The following C5orf52 variants were observed in gnomAD, a reference collection of about 807,000 sequenced individuals.
C5orf52 encodes the protein chromosome 5 open reading frame 52, also known as uncharacterized protein C5orf52.
A neutral mutation model predicts 16.8 loss-of-function variants in C5orf52; 15 were observed. That is an observed-to-expected ratio of 0.89 (90% confidence interval 0.60 to 1.38). The LOEUF (loss-of-function observed/expected upper bound fraction) is 1.38, where lower values mean the gene tolerates loss of function less well. Among genes scored for constraint, C5orf52 ranks in the 40% most tolerant of loss-of-function variants. The pLI, the probability that C5orf52 is intolerant of heterozygous loss-of-function variation, is 0.00. For synonymous variants in C5orf52, 83 were observed against 87.2 expected, an observed-to-expected ratio of 0.95 and a Z score of 0.27; for missense variants, 206 against 213.1, an observed-to-expected ratio of 0.97 and a Z score of 0.21.
At chr5:157,672,813 G>T (rs1759821990) in intron 1 of C5orf52, among the ~76,000 whole-genome samples, 1 of 151,968 alleles carries the variant, frequency 6.6e-6, no homozygotes, top group Non-Finnish European at 1.5e-5. Context: ...GCACCACCAT[G>T]CTCGGCTAAT....
chr5:157,679,246 T>G (rs74321142), intron 2 of C5orf52, among the ~76,000 whole-genome samples: 1 of 152,076 alleles, frequency 6.6e-6, no homozygotes, highest in Non-Finnish European at 1.5e-5. Flanking sequence ...TGTAGCTAGC[T>G]CATTGGAGTA....
chr5:157,673,697 G>C (rs1759839965), intron 1 of C5orf52, among the ~76,000 whole-genome samples: 1 of 151,922 alleles, frequency 6.6e-6, no homozygotes, highest in African/African-American at 2.4e-5. Context: ...GCCCAGGCTG[G>C]AGTACAATGG....
intron 1 of C5orf52, among the ~76,000 whole-genome samples, chr5:157,673,703 A>G (rs1226340325): frequency 3.1e-4 from 47 of 151,768 alleles, no homozygotes; most frequent in Admixed American, 3.1e-3. Flanking sequence ...GCTGGAGTAC[A>G]ATGGTAAAGT....
At position 157,675,186 on chromosome 5, in the gene C5orf52, A is replaced by G; in HGVS notation, c.307A>G (p.Ile103Val). ...IIHDNRITQR[I>V]YEMEVSALEK... The stretch of plus-strand genomic sequence containing the variant: ...TCATGATAACCGCATCACACAACGA[A>G]TCTATGAGATGGAGGTAAAGTAGCC... The change falls in exon 2 of 3, where the codon ATC (isoleucine) becomes GTC (valine). Residue 103 changes from isoleucine to valine, a missense_variant. Coordinates refer to ENST00000409999, the MANE Select transcript of C5orf52 (RefSeq NM_001145132.2). 1 of 1,544,702 alleles carries G rather than the reference A, an allele frequency of 6.5e-7. No homozygotes were observed. Among genetic ancestry groups the G allele is most frequent in the Non-Finnish European group, 8.8e-7 (1 of 1,140,914 alleles).
At chr5:157,676,531 G>A (rs1289151765) in intron 2 of C5orf52, among the ~76,000 whole-genome samples, 4 of 152,182 alleles carry the variant, frequency 2.6e-5, no homozygotes, top group African/African-American at 4.8e-5. Flanking sequence ...GTAGGGACCC[G>A]GGCATTTCTC....
intron 1 of C5orf52, among the ~76,000 whole-genome samples, chr5:157,674,795 T>G (rs951111757): frequency 2.0e-5 from 3 of 152,124 alleles, no homozygotes; most frequent in African/African-American, 7.2e-5. Context: ...AAAGGGTGAC[T>G]GCTTCTGAGG....
chr5:157,676,828 C>T (rs1226692767), intron 2 of C5orf52, among the ~76,000 whole-genome samples: 1 of 151,388 alleles, frequency 6.6e-6, no homozygotes, highest in Admixed American at 6.6e-5. Context: ...TCCATTCTCT[C>T]TCATCATCTT....
chr5:157,676,937 CA>C (rs1486853287), intron 2 of C5orf52, among the ~76,000 whole-genome samples: 1 of 148,616 alleles, frequency 6.7e-6, no homozygotes, highest in Non-Finnish European at 1.5e-5. Context: ...GGCATGATCA[CA>C]GCTTGCTGTA....
At chr5:157,677,654 CAA>C (rs34801673) in intron 2 of C5orf52, among the ~76,000 whole-genome samples, 21,991 of 116,880 alleles carry the variant, frequency 0.19, 2,117 homozygotes, top group African/African-American at 0.29. Flanking sequence ...AACTCCCTCT[CAA>C]AAAAAAAAAA....
chr5:157,678,526 G>T lies in C5orf52; in HGVS notation c.322-1315G>T, dbSNP rs1408953232. Among the ~76,000 whole-genome samples the T allele has an allele frequency of 3.9e-5, 6 of 152,060 alleles. No individual in the cohort carries two copies. In the South Asian group the frequency reaches 1.2e-3, roughly 32 times the overall value. ...GGCTGAAGTGCAGTGGCATAATCTC[G>T]GCTCAATGCAACCTCTGCCTCCTGG... On this transcript the variant is annotated intron_variant, in intron 2 of 2. Coordinates refer to ENST00000409999, the MANE Select transcript of C5orf52 (RefSeq NM_001145132.2).
chr5:157,670,979 A>T (rs1170996646), upstream of C5orf52, among the ~76,000 whole-genome samples: 2 of 152,174 alleles, frequency 1.3e-5, no homozygotes, highest in African/African-American at 2.4e-5. Flanking sequence ...TGGGCCAGGT[A>T]GGTTTCCCGG....
At chr5:157,674,747 C>G (rs898266968) in intron 1 of C5orf52, among the ~76,000 whole-genome samples, 2 of 152,086 alleles carry the variant, frequency 1.3e-5, no homozygotes, top group Non-Finnish European at 2.9e-5. Flanking sequence ...GCCTGGGAGA[C>G]AGAGTGAAAC....
At chr5:157,678,556 A>G (rs1181211596) in intron 2 of C5orf52, among the ~76,000 whole-genome samples, 1 of 152,190 alleles carries the variant, frequency 6.6e-6, no homozygotes, top group Non-Finnish European at 1.5e-5. Context: ...TCCTGGGTTC[A>G]AGCGATTCTT....
rs1719784311 is a variant in C5orf52, at chr5:157,671,544, G to A, written c.-71G>A. On this transcript the variant is annotated 5_prime_UTR_variant, in exon 1 of 3. Coordinates refer to ENST00000409999, the MANE Select transcript of C5orf52 (RefSeq NM_001145132.2). ...CCGCCCAGGGACTCACTCCGCGTCA[G>A]CGCGCGCCCACCTAGGTGGGCTGGC... 7.5e-7 allele frequency: 1 copy of A among 1,339,112 alleles called. No individual in the cohort carries two copies. The highest frequency in any genetic ancestry group is 1.0e-6 in the Non-Finnish European group (1 of 980,750). 83.0% of individuals were successfully genotyped at this position (1,339,112 alleles called of 1,614,324 possible).
At chr5:157,674,484 C>A (rs1006676937) in intron 1 of C5orf52, among the ~76,000 whole-genome samples, 7 of 152,040 alleles carry the variant, frequency 4.6e-5, no homozygotes, top group African/African-American at 1.7e-4. Context: ...CTGCTTTTGG[C>A]TGGGTGGGCG....
At position 157,679,984 on chromosome 5, in the gene C5orf52, A is replaced by G. The variant is rs1171860806; in HGVS notation, c.465A>G (p.Ile155Met). 3 of 1,551,180 alleles carry G rather than the reference A, an allele frequency of 1.9e-6. No homozygotes were observed. Among genetic ancestry groups the G allele is most frequent in the Non-Finnish European group, 2.6e-6 (3 of 1,146,878 alleles). Residue 155 changes from isoleucine (I) to methionine (M), a missense_variant, in exon 3 of 3, where the codon ATA (isoleucine) becomes ATG (methionine). By Grantham distance (10) the Ile-to-Met change is conservative. Coordinates refer to ENST00000409999, the MANE Select transcript of C5orf52 (RefSeq NM_001145132.2). ...GCAACCGGTACTTAACCTTCGGGAT[A>G]CCACCACCAGTTTAAACTCCAGTCT... Reference protein sequence around the residue: ...VNSNRYLTFGIPPPV With the variant: ...VNSNRYLTFGMPPPV
Position 157,671,709 on chromosome 5 carries a change from C to A in C5orf52, c.95C>A (p.Thr32Asn). 6.4e-7 allele frequency: 1 copy of A among 1,551,450 alleles called. No homozygotes were observed. Among genetic ancestry groups the A allele is most frequent in the Non-Finnish European group, 8.7e-7 (1 of 1,146,916 alleles). The change falls in exon 1 of 3, where the codon ACC becomes AAC. Residue 32 changes from threonine to asparagine, a missense_variant. Physicochemically the swap from Thr to Asn is moderately conservative, Grantham distance 65. Transcript: ENST00000409999. ...AAQATTSSSA[T>N]SGSNYQRDRL... The stretch of plus-strand genomic sequence containing the variant: ...CAGGCGACCACCAGTTCCAGCGCCA[C>A]CTCGGGTTCGAACTACCAGCGCGAT...
chr5:157,671,871 C>G, intron 1 of C5orf52, 45 bp downstream of exon 1: 1 of 1,300,862 alleles, frequency 7.7e-7, no homozygotes, highest in Non-Finnish European at 1.0e-6. Context: ...CTCGGACCCG[C>G]GAGGGAACCC....
chr5:157,672,227 C>G (rs1419397632), intron 1 of C5orf52, among the ~76,000 whole-genome samples: 1 of 152,076 alleles, frequency 6.6e-6, no homozygotes, highest in Non-Finnish European at 1.5e-5. Flanking sequence ...CCGTCTCATA[C>G]GCCCCTTCTC....
Sources: allele counts gnomAD v4.1 joint callset (sites outside exome capture counted in the v4.1 genomes callset), GRCh38; gene constraint gnomAD v4.1.1; transcripts MANE v1.5; gene names NCBI Gene and HGNC (gene_info 2026-07-23, HGNC 2026-07-21).